ZKSCAN3: variants seen among roughly 807,000 people sequenced by gnomAD.
The protein encoded by ZKSCAN3 is zinc finger protein with KRAB and SCAN domains 3.
Under a neutral mutation model 30.7 loss-of-function variants are expected in ZKSCAN3, and 21 were observed. The observed-to-expected ratio is 0.68, with a 90% confidence interval of 0.49 to 0.99. ZKSCAN3 has a LOEUF of 0.99. Among genes scored for constraint, ZKSCAN3 ranks in the 50% least tolerant of loss-of-function variants. The pLI is 0.00. For missense variants in ZKSCAN3, 507 were observed against 647.1 expected (o/e 0.78, Z 2.35); for synonymous variants, 201 against 246.7 (o/e 0.81, Z 1.73).
chr6:28,365,792 G>A lies in ZKSCAN3; in HGVS notation c.1124G>A (p.Cys375Tyr). The change falls in exon 6 of 6, where the codon TGT (cysteine) becomes TAT (tyrosine). Residue 375 changes from cysteine (C) to tyrosine (Y), a missense_variant. Transcript: ENST00000252211. Reference protein sequence around the residue: ...TGEKPYECEECGKAFSHSSDL... With the variant: ...TGEKPYECEEYGKAFSHSSDL... ...GAGAAGCCATATGAGTGTGAAGAAT[G>A]TGGTAAGGCCTTCAGTCATAGCTCA... 1 of 1,614,208 alleles carries A rather than the reference G, an allele frequency of 6.2e-7. No homozygotes were observed. Among genetic ancestry groups the A allele is most frequent in the Non-Finnish European group, 8.5e-7 (1 of 1,180,038 alleles).
At chr6:28,363,561 G>T (rs577151719) in intron 4 of ZKSCAN3, 131 bp from the exon 5 acceptor site, 30 of 1,431,554 alleles carry the variant, frequency 2.1e-5, no homozygotes, top group Non-Finnish European at 2.8e-5. Context: ...TTATTTAGGT[G>T]CCCACTTAAG....
intron 1 of ZKSCAN3, among the ~76,000 whole-genome samples, chr6:28,352,137 T>C (rs1301662099): frequency 1.3e-5 from 2 of 152,220 alleles, no homozygotes; most frequent in East Asian, 3.8e-4. Flanking sequence ...CATTTATTTG[T>C]TGAGGAACTT....
intron 2 of ZKSCAN3, chr6:28,360,830 A>G (rs1765727324): frequency 1.1e-6 from 1 of 894,800 alleles, no homozygotes; most frequent in African/African-American, 1.8e-5. Flanking sequence ...GAAAACTGTA[A>G]TTTTATAATA....
Position 28,367,332 on chromosome 6 carries a change from T to G in ZKSCAN3, c.*1047T>G, listed in dbSNP as rs1414698153. 6.6e-6 allele frequency: 1 copy of G among 151,102 alleles called. No individual in the cohort carries two copies. The highest frequency in any genetic ancestry group is 1.9e-4 in the East Asian group (1 of 5,142). The allele number at this position is 151,102 out of a possible 1,614,324, so 9.4% of individuals were successfully genotyped here. On this transcript the variant is annotated 3_prime_UTR_variant, in exon 6 of 6. Coordinates refer to ENST00000252211, the MANE Select transcript of ZKSCAN3 (RefSeq NM_024493.4). Reference sequence around the variant, plus strand: ...TCCGTGGAATTGCTTTTTTTTTTTTTTTTTTGTAAATATGAGGTCTCACTA... The same window carrying G: ...TCCGTGGAATTGCTTTTTTTTTTTTGTTTTTGTAAATATGAGGTCTCACTA...
chr6:28,365,710 G>A lies in ZKSCAN3; in HGVS notation c.1042G>A (p.Gly348Ser). The change falls in exon 6 of 6, where the codon GGC (glycine) becomes AGC (serine). Residue 348 changes from glycine (G) to serine (S), a missense_variant. Transcript: ENST00000252211. ...GAAACCCTACGAATGTGAAGAGTGT[G>A]GCAAAGCCTTCATTGGGAGCTCTGC... Reference protein sequence around the residue: ...GEKPYECEECGKAFIGSSALV... With the variant: ...GEKPYECEECSKAFIGSSALV... The A allele has an allele frequency of 6.2e-7, 1 of 1,614,072 alleles. No homozygotes were observed. Among genetic ancestry groups the A allele is most frequent in the African/African-American group, 1.3e-5 (1 of 75,076 alleles).
Position 28,363,835 on chromosome 6 carries a change from A to G in ZKSCAN3, c.757+20A>G. The stretch of plus-strand genomic sequence containing the variant: ...CCCTGGGTAAGACTAAAGGACACTA[A>G]TTTCTGTTAAGGTTTCTTGGCATTC... On this transcript the variant is annotated intron_variant, in intron 5 of 5. Coordinates refer to ENST00000252211, the MANE Select transcript of ZKSCAN3 (RefSeq NM_024493.4). 6.2e-7 allele frequency: 1 copy of G among 1,611,518 alleles called. No individual in the cohort carries two copies. The highest frequency in any genetic ancestry group is 1.1e-5 in the South Asian group (1 of 90,990).
chr6:28,363,776 G>C lies in ZKSCAN3; in HGVS notation c.718G>C (p.Asp240His), dbSNP rs1433827798. The part of the protein sequence containing the change: ...QDSSQGNLCR[D>H]EKQENHGSLV... ...TTCATCTCAGGGGAATCTCTGTAGAGATGAAAAGCAGGAGAACCATGGCAG... is the reference window on the plus strand; with the variant it reads ...TTCATCTCAGGGGAATCTCTGTAGACATGAAAAGCAGGAGAACCATGGCAG... Residue 240 changes from aspartate to histidine, a missense_variant, in exon 5 of 6, where the codon GAT becomes CAT. Asp to His is a moderately conservative substitution (Grantham distance 81, BLOSUM62 -1). Transcript: ENST00000252211. 6.2e-7 allele frequency: 1 copy of C among 1,614,014 alleles called. No homozygotes were observed. The highest frequency in any genetic ancestry group is 8.5e-7 in the Non-Finnish European group (1 of 1,179,908).
At position 28,366,446 on chromosome 6, in the gene ZKSCAN3, T is replaced by A; in HGVS notation, c.*161T>A. The A allele has an allele frequency of 2.7e-6, 2 of 749,208 alleles. No individual in the cohort carries two copies. The highest frequency in any genetic ancestry group is 3.9e-6 in the Non-Finnish European group (2 of 512,360). 46.4% of individuals were successfully genotyped at this position (749,208 alleles called of 1,614,324 possible). A position where few individuals can be genotyped will look rare whatever the true frequency, so the allele number is the denominator to read the frequency against. ...TGGGTTAGACAAATTATCTTCTAAGTTCTAGAAGGGGTTTGTAATCAAAAC... is the reference window on the plus strand; with the variant it reads ...TGGGTTAGACAAATTATCTTCTAAGATCTAGAAGGGGTTTGTAATCAAAAC... On this transcript the variant is annotated 3_prime_UTR_variant, in exon 6 of 6. Coordinates refer to ENST00000252211, the MANE Select transcript of ZKSCAN3 (RefSeq NM_024493.4).
Position 28,365,865 on chromosome 6 carries a change from G to A in ZKSCAN3, c.1197G>A (p.Glu399=). ...QRTHTGEKPY[E]CDDCGKTFSQ... is the part of the protein sequence containing the mutation. ...CCCACACTGGGGAGAAGCCCTATGA[G>A]TGTGATGACTGTGGGAAGACCTTCA... Residue 399 remains glutamate (E), a synonymous_variant, in exon 6 of 6, where the codon GAG becomes GAA. Coordinates refer to ENST00000252211, the MANE Select transcript of ZKSCAN3 (RefSeq NM_024493.4). The A allele has an allele frequency of 1.2e-6, 2 of 1,613,754 alleles. No individual in the cohort carries two copies. Among genetic ancestry groups the A allele is most frequent in the Admixed American group, 1.7e-5 (1 of 60,000 alleles).
At chr6:28,354,416 G>T (rs78787804) in intron 1 of ZKSCAN3, among the ~76,000 whole-genome samples, 7,804 of 152,248 alleles carry the variant, frequency 0.051, 496 homozygotes, top group African/African-American at 0.15. Context: ...TTGGCCGAGG[G>T]AGACATAGGT....
In ZKSCAN3 at chr6:28,368,480, C is replaced by T. The variant is rs1350596874; in HGVS notation, c.*2195C>T. On this transcript the variant is annotated 3_prime_UTR_variant, in exon 6 of 6. Transcript: ENST00000252211. ...GTAGACCATCTTTTTTTTTTCCCAT[C>T]ATGATAGTCAAAATTTTAGTCTGTG... 6.6e-6 allele frequency: 1 copy of T among 151,048 alleles called. No individual in the cohort carries two copies. The highest frequency in any genetic ancestry group is 1.5e-5 in the Non-Finnish European group (1 of 67,790). The allele number at this position is 151,048 out of a possible 1,614,324, so 9.4% of individuals were successfully genotyped here.
At chr6:28,357,166 C>T (rs534280320) in intron 1 of ZKSCAN3, among the ~76,000 whole-genome samples, 18 of 152,336 alleles carry the variant, frequency 1.2e-4, no homozygotes, top group African/African-American at 4.1e-4. Flanking sequence ...GAATTGTGTG[C>T]GTGCGCTCCA....
rs534000451 is a variant in ZKSCAN3, at chr6:28,368,842, A to T, written c.*2557A>T. On this transcript the variant is annotated 3_prime_UTR_variant, in exon 6 of 6. Transcript: ENST00000252211. Reference sequence around the variant, plus strand: ...TGCTTTCATTATTGCATCTACTCACATTTCTCACTCGGTTTCTGGCACCAG... The same window carrying T: ...TGCTTTCATTATTGCATCTACTCACTTTTCTCACTCGGTTTCTGGCACCAG... 6.5e-6 allele frequency: 1 copy of T among 154,378 alleles called. No individual in the cohort carries two copies. Among genetic ancestry groups the T allele is most frequent in the Admixed American group, 6.5e-5 (1 of 15,290 alleles). The allele number at this position is 154,378 out of a possible 1,614,324, so 9.6% of individuals were successfully genotyped here.
In ZKSCAN3 at chr6:28,359,596, G is replaced by A; in HGVS notation, c.10G>A (p.Glu4Lys). The A allele has an allele frequency of 1.2e-6, 2 of 1,613,928 alleles. No homozygotes were observed. The highest frequency in any genetic ancestry group is 1.7e-6 in the Non-Finnish European group (2 of 1,179,826). The change falls in exon 2 of 6, where the codon GAA becomes AAA. Residue 4 changes from glutamate to lysine, a missense_variant. Coordinates refer to ENST00000252211, the MANE Select transcript of ZKSCAN3 (RefSeq NM_024493.4). Reference sequence around the variant, plus strand: ...ACTGCCTTGGCCTAGGATGGCTAGAGAATTAAGTGAAAGCACAGCCCTGGA... The same window carrying A: ...ACTGCCTTGGCCTAGGATGGCTAGAAAATTAAGTGAAAGCACAGCCCTGGA... MARELSESTALDAQ... is the reference protein window; with the variant it reads MARKLSESTALDAQ...
At position 28,366,005 on chromosome 6, in the gene ZKSCAN3, G is replaced by A; in HGVS notation, c.1337G>A (p.Arg446Lys). The A allele has an allele frequency of 1.2e-6, 2 of 1,614,114 alleles. No homozygotes were observed. Among genetic ancestry groups the A allele is most frequent in the South Asian group, 2.2e-5 (2 of 91,074 alleles). The change falls in exon 6 of 6, where the codon AGG (arginine) becomes AAG (lysine). Residue 446 changes from arginine (R) to lysine (K), a missense_variant. Arg to Lys is a conservative substitution (Grantham distance 26). Transcript: ENST00000252211. ...AGTTCACATCTCCTGAGACATCAGA[G>A]GATCCATACTGGGGATAAAAATGTT... ...RRSSHLLRHQ[R>K]IHTGDKNVQE...
rs778013796 is a variant in ZKSCAN3, at chr6:28,359,575, C to A, written c.-12C>A. On this transcript the variant is annotated 5_prime_UTR_variant, in exon 2 of 6. Coordinates refer to ENST00000252211, the MANE Select transcript of ZKSCAN3 (RefSeq NM_024493.4). ...AAGCTAGAGTGAGGCCTGAGTACTGCCTTGGCCTAGGATGGCTAGAGAATT... is the reference window on the plus strand; with the variant it reads ...AAGCTAGAGTGAGGCCTGAGTACTGACTTGGCCTAGGATGGCTAGAGAATT... The A allele has an allele frequency of 2.5e-6, 4 of 1,611,736 alleles. No homozygotes were observed. The highest frequency in any genetic ancestry group is 3.4e-6 in the Non-Finnish European group (4 of 1,178,234).
At chr6:28,355,040 G>A (rs1765331956) in intron 1 of ZKSCAN3, among the ~76,000 whole-genome samples, 1 of 152,202 alleles carries the variant, frequency 6.6e-6, no homozygotes, top group African/African-American at 2.4e-5. Flanking sequence ...AGCAGTCCAG[G>A]TAGCAGTAGC....
chr6:28,362,377 A>C (rs1765800689), intron 3 of ZKSCAN3, among the ~76,000 whole-genome samples: 1 of 152,350 alleles, frequency 6.6e-6, no homozygotes, highest in African/African-American at 2.4e-5. Flanking sequence ...AATCTTCTAA[A>C]TCCTGGGTCT....
intron 3 of ZKSCAN3, among the ~76,000 whole-genome samples, chr6:28,363,000 C>A (rs1278323145): frequency 6.6e-6 from 1 of 152,208 alleles, no homozygotes; most frequent in Admixed American, 6.5e-5. Flanking sequence ...TTTCGTGTAT[C>A]TGCAGAGCAC....
Sources: allele counts gnomAD v4.1 joint callset (sites outside exome capture counted in the v4.1 genomes callset), GRCh38; gene constraint gnomAD v4.1.1; transcripts MANE v1.5; gene names NCBI Gene and HGNC (gene_info 2026-07-23, HGNC 2026-07-21).